Variants in PTPN21 observed in about 807,000 individuals in gnomAD.
PTPN21 encodes the protein tyrosine-protein phosphatase non-receptor type 21.
Under a neutral mutation model 131.8 loss-of-function variants are expected in PTPN21, and 77 were observed. The observed-to-expected ratio is 0.58, with a 90% CI of 0.49 to 0.71. PTPN21 has a LOEUF of 0.71. Ranked by LOEUF, PTPN21 falls within the 30% of genes least tolerant of loss-of-function variation. PTPN21 has a pLI of 0.00. For missense variants in PTPN21, 1,552 were observed against 1,527.1 expected, an observed-to-expected ratio of 1.02 and a Z score of -0.27; for synonymous variants, 715 against 621.3, an observed-to-expected ratio of 1.15 and a Z score of -2.24.
chr14:88,503,862 T>C (rs948561897), intron 6 of PTPN21: 22 of 152,292 alleles, frequency 1.4e-4, no homozygotes, highest in African/African-American at 5.3e-4. Context: ...TCCAGAAGAG[T>C]ATTTTTTCTT....
intron 8 of PTPN21, among the ~76,000 whole-genome samples, chr14:88,500,272 A>G (rs1230122121): frequency 3.3e-5 from 5 of 152,204 alleles, no homozygotes; most frequent in Admixed American, 2.6e-4. Flanking sequence ...TCCACAAAAA[A>G]TACAAAAATT....
intron 2 of PTPN21, among the ~76,000 whole-genome samples, chr14:88,520,498 C>G (rs2078372617): frequency 6.6e-6 from 1 of 151,910 alleles, no homozygotes; most frequent in African/African-American, 2.4e-5. Flanking sequence ...AGGCCAAGTC[C>G]CATTGTTAAT....
intron 10 of PTPN21, chr14:88,492,936 CAA>C: frequency 8.2e-6 from 3 of 365,596 alleles, no homozygotes; most frequent in Non-Finnish European, 1.6e-5. Context: ...CTTCATCAAA[CAA>C]GAGAGACAGA....
At chr14:88,496,366 T>C (rs576415929) in intron 10 of PTPN21, 47 bp downstream of exon 10, 1 of 1,485,660 alleles carries the variant, frequency 6.7e-7, no homozygotes, top group South Asian at 1.1e-5. Context: ...GATTACAATT[T>C]CTAAATTCAT....
At chr14:88,543,801 A>C (rs984080530) in intron 2 of PTPN21, among the ~76,000 whole-genome samples, 1 of 152,210 alleles carries the variant, frequency 6.6e-6, no homozygotes, top group Non-Finnish European at 1.5e-5. Context: ...TCTTCAACAA[A>C]ATACCCTGGA....
At chr14:88,496,571 A>G in intron 9 of PTPN21, 79 bp from the exon 10 acceptor site, 1 of 1,086,598 alleles carries the variant, frequency 9.2e-7, no homozygotes, top group Non-Finnish European at 1.4e-6. Context: ...TTGTCTAAAG[A>G]CATAATGGGT....
chr14:88,552,711 A>G (rs1043845147), intron 1 of PTPN21, among the ~76,000 whole-genome samples: 1 of 152,228 alleles, frequency 6.6e-6, no homozygotes, highest in Non-Finnish European at 1.5e-5. Flanking sequence ...ACAGAAAATA[A>G]GTATTAAAAG....
intron 3 of PTPN21, among the ~76,000 whole-genome samples, chr14:88,508,785 T>C (rs2078136615): frequency 6.6e-6 from 1 of 152,222 alleles, no homozygotes; most frequent in South Asian, 2.1e-4. Flanking sequence ...ACCAGGCTGA[T>C]ATTAAAATGT....
chr14:88,522,248 G>A (rs938852684), intron 2 of PTPN21, among the ~76,000 whole-genome samples: 5 of 151,730 alleles, frequency 3.3e-5, no homozygotes, highest in African/African-American at 7.3e-5. Flanking sequence ...CCAACATGGT[G>A]AAACTCCATC....
At chr14:88,472,846 C>T (rs1433381321) in intron 14 of PTPN21, among the ~76,000 whole-genome samples, 4 of 151,912 alleles carry the variant, frequency 2.6e-5, no homozygotes, top group South Asian at 2.1e-4. Flanking sequence ...AAAAACCAAA[C>T]CAAAACCAAA....
intron 13 of PTPN21, among the ~76,000 whole-genome samples, chr14:88,474,131 C>CAAAAAAAAAAAAAA (rs754719071): frequency 4.3e-5 from 2 of 46,682 alleles, no homozygotes; most frequent in African/African-American, 7.9e-5. Context: ...AGCTGAAGTC[C>CAAAAAAAAAAAAAA]AAAAAAAAAA....
intron 12 of PTPN21, among the ~76,000 whole-genome samples, chr14:88,483,457 C>T (rs1328067680): frequency 6.6e-6 from 1 of 152,042 alleles, no homozygotes; most frequent in Non-Finnish European, 1.5e-5. Flanking sequence ...GGGATGCTCT[C>T]AGGCTCTACA....
intron 10 of PTPN21, among the ~76,000 whole-genome samples, chr14:88,487,060 C>T (rs2772514): frequency 0.95 from 144,252 of 151,698 alleles, 68,890 homozygotes; most frequent in Non-Finnish European, 1. Flanking sequence ...TTTTCAACTA[C>T]TCACACAGCA....
At chr14:88,538,096 A>G (rs2078655338) in intron 2 of PTPN21, among the ~76,000 whole-genome samples, 1 of 152,234 alleles carries the variant, frequency 6.6e-6, no homozygotes, top group Non-Finnish European at 1.5e-5. Flanking sequence ...GTTACTGCAC[A>G]AAGTTTCAAT....
Position 88,468,066 on chromosome 14 carries a change from A to AG in PTPN21, c.*70dup. On this transcript the variant is annotated 3_prime_UTR_variant, in exon 19 of 19. Transcript: ENST00000556564. Reference sequence around the variant, plus strand: ...GATCAAGTGTCAACGGGAAAGTATGAGTTAGGCAAGCGCTTTTTTTTTAAG... The same window carrying AG: ...GATCAAGTGTCAACGGGAAAGTATGAGGTTAGGCAAGCGCTTTTTTTTTAAG... 1 of 1,549,206 alleles carries AG rather than the reference A, an allele frequency of 6.5e-7. No homozygotes were observed. Among genetic ancestry groups the AG allele is most frequent in the African/African-American group, 1.4e-5 (1 of 72,878 alleles).
Position 88,554,790 on chromosome 14 carries a change from C to G in PTPN21, c.-342G>C, listed in dbSNP as rs1410317334. The G allele has an allele frequency of 2.0e-5, 3 of 151,220 alleles. No homozygotes were observed. The highest frequency in any genetic ancestry group is 4.4e-5 in the Non-Finnish European group (3 of 67,776). The allele number at this position is 151,220 out of a possible 1,614,324, so 9.4% of individuals were successfully genotyped here. ...CGGCGCGCTCATGGGGCTCGCACGC[C>G]TCACTTCCTGTCTCCAAAAACCCGG... On this transcript the variant is annotated 5_prime_UTR_variant, in exon 1 of 19. Transcript: ENST00000556564.
intron 6 of PTPN21, among the ~76,000 whole-genome samples, chr14:88,502,421 G>A (rs757861170): frequency 2.2e-4 from 34 of 152,040 alleles, no homozygotes; most frequent in Non-Finnish European, 4.0e-4. Flanking sequence ...GCAGCTCCAT[G>A]CAGTCCCAAC....
At chr14:88,501,531 A>C (rs996601482) in intron 6 of PTPN21, among the ~76,000 whole-genome samples, 163 bp from the exon 7 acceptor site, 2 of 152,114 alleles carry the variant, frequency 1.3e-5, no homozygotes, top group Non-Finnish European at 2.9e-5. Context: ...TTTACTGAAA[A>C]CCAGTATGTG....
In PTPN21 at chr14:88,485,803, C is replaced by T. The variant is rs986394070; in HGVS notation, c.972G>A (p.Arg324=). 2 of 1,609,086 alleles carry T rather than the reference C, an allele frequency of 1.2e-6. No individual in the cohort carries two copies. The highest frequency in any genetic ancestry group is 1.3e-5 in the African/African-American group (1 of 74,808). The change falls in exon 11 of 19, where the codon AGG becomes AGA. Residue 324 remains arginine (R), a synonymous_variant. Transcript: ENST00000556564. ...TTACCAGAGACATCCTTGAAGAAGA[C>T]CTCCTCCTGATTGGGTTCACTGTGA... The part of the protein sequence containing the change: ...QTVTVNPIRR[R]SSSRMSLPKP...
Sources: allele counts gnomAD v4.1 joint callset (sites outside exome capture counted in the v4.1 genomes callset), GRCh38; gene constraint gnomAD v4.1.1; transcripts MANE v1.5; gene names NCBI Gene and HGNC (gene_info 2026-07-23, HGNC 2026-07-21).